PACRG: variants seen among roughly 807,000 people sequenced by gnomAD.
PACRG encodes parkin coregulated gene protein.
PACRG carries 29 observed loss-of-function variants against 29.7 expected under a neutral mutation model. That is an observed-to-expected ratio of 0.98 (90% CI 0.73 to 1.33). The LOEUF (loss-of-function observed/expected upper bound fraction) is 1.33. PACRG is among the 40% of genes most tolerant of loss of function. The pLI is 0.00. For synonymous variants in PACRG, 116 were observed against 118.7 expected (o/e 0.98, Z 0.15); for missense variants, 279 against 316.2 (o/e 0.88, Z 0.89).
chr6:162,785,102 A>AT (rs1344859515), intron 1 of PACRG, among the ~76,000 whole-genome samples: 1 of 150,770 alleles, frequency 6.6e-6, no homozygotes, highest in African/African-American at 2.4e-5. Flanking sequence ...TTCCCAGCTA[A>AT]TTTTTTTTCA....
chr6:163,176,535 G>T (rs1779366336), intron 4 of PACRG, among the ~76,000 whole-genome samples: 1 of 152,110 alleles, frequency 6.6e-6, no homozygotes. Context: ...TGTGCTAAAA[G>T]CTGGAAAAGA....
rs763821627 is a variant in PACRG at position 163,025,704 on chromosome 6, A to G, written c.292-36446A>G. On this transcript the variant is annotated intron_variant, in intron 2 of 4. Coordinates refer to ENST00000366888, the MANE Select transcript of PACRG (RefSeq NM_001080379.2). ...GTTTGAAGCCTTGTCTTTGATTTGC[A>G]TGGAAAAGAACCAGAAGGTGCTGAG... 5.3e-5 allele frequency among the ~76,000 whole-genome samples: 8 copies of G among 152,378 alleles called. No individual in the cohort carries two copies. The South Asian group carries it at 6.2e-4, about 12-fold the overall frequency.
At chr6:163,044,359 G>C (rs1809093609) in intron 2 of PACRG, among the ~76,000 whole-genome samples, 1 of 152,000 alleles carries the variant, frequency 6.6e-6, no homozygotes, top group East Asian at 1.9e-4. Flanking sequence ...TGTAGAGAAG[G>C]GTTCTCCCTG....
intron 1 of PACRG, among the ~76,000 whole-genome samples, chr6:162,731,879 T>C (rs907464678): frequency 5.9e-5 from 9 of 152,088 alleles, no homozygotes; most frequent in Non-Finnish European, 1.3e-4. Flanking sequence ...TCTCTCATAA[T>C]AGAAGTTCAA....
intron 4 of PACRG, among the ~76,000 whole-genome samples, chr6:163,178,828 G>A (rs1779511832): frequency 6.6e-6 from 1 of 152,162 alleles, no homozygotes; most frequent in African/African-American, 2.4e-5. Context: ...CTGGCATTCT[G>A]TAGGCACTGA....
chr6:163,230,852 C>T (rs954744202), intron 4 of PACRG, among the ~76,000 whole-genome samples: 1 of 85,852 alleles, frequency 1.2e-5, no homozygotes, highest in Non-Finnish European at 2.6e-5. Flanking sequence ...GGAGAGAGGC[C>T]TTCAATTAGG....
intron 4 of PACRG, among the ~76,000 whole-genome samples, chr6:163,251,814 G>T (rs1226404119): frequency 6.6e-6 from 1 of 152,212 alleles, no homozygotes; most frequent in Non-Finnish European, 1.5e-5. Context: ...TGCGATCATA[G>T]TTAGTTATTA....
At chr6:162,882,970 G>C (rs1041014143) in intron 2 of PACRG, among the ~76,000 whole-genome samples, 2 of 152,256 alleles carry the variant, frequency 1.3e-5, no homozygotes, top group Admixed American at 6.5e-5. Flanking sequence ...AGCCAGGCTT[G>C]AGCTGTGCTC....
At chr6:163,011,456 G>T (rs1805606856) in intron 2 of PACRG, among the ~76,000 whole-genome samples, 1 of 152,184 alleles carries the variant, frequency 6.6e-6, no homozygotes, top group African/African-American at 2.4e-5. Context: ...GATAAAAAAT[G>T]GTACACCTAT....
In PACRG at chr6:162,777,206, A is replaced by G. The variant is rs1044042941; in HGVS notation, c.157-36941A>G. Among the ~76,000 whole-genome samples the G allele has an allele frequency of 6.6e-6, 1 of 152,232 alleles. No homozygotes were observed. Among genetic ancestry groups the G allele is most frequent in the Non-Finnish European group, 1.5e-5 (1 of 68,040 alleles). ...GGGGCCTCTTCAAAAGTTCAGTATCAGACTCACTTGGCTCCCTCGTGCCGG... is the reference window on the plus strand; with the variant it reads ...GGGGCCTCTTCAAAAGTTCAGTATCGGACTCACTTGGCTCCCTCGTGCCGG... On this transcript the variant is annotated intron_variant, in intron 1 of 4. Coordinates refer to ENST00000366888, the MANE Select transcript of PACRG (RefSeq NM_001080379.2). The surrounding 1 kb of genome is among the most constrained non-coding windows in gnomAD (Gnocchi z 4.0).
At chr6:163,313,391 G>A (rs149243517) in intron 4 of PACRG, among the ~76,000 whole-genome samples, 37 of 152,078 alleles carry the variant, frequency 2.4e-4, no homozygotes, top group African/African-American at 8.7e-4. Context: ...AATTTATTGT[G>A]TGTATATCAC....
chr6:162,939,952 AAAC>A (rs1480785261), intron 2 of PACRG, among the ~76,000 whole-genome samples: 3 of 152,222 alleles, frequency 2.0e-5, no homozygotes, highest in African/African-American at 7.2e-5. Context: ...GAAGCAAATC[AAAC>A]CCAGAATGTC....
In PACRG at chr6:163,269,948, AAAGAAAG is replaced by A. The variant is rs1322730321; in HGVS notation, c.614-44876_614-44870del. Among the ~76,000 whole-genome samples, 79 of 50,798 alleles carry A rather than the reference AAAGAAAG, an allele frequency of 1.6e-3. 2 individuals are homozygous for A. The highest frequency in any genetic ancestry group is 7.8e-3 in the African/African-American group (62 of 7,924). The allele number at this position is 50,798 out of a possible 152,430, so 33.3% of individuals were successfully genotyped here. A position where few individuals can be genotyped will look rare whatever the true frequency, so the allele number is the denominator to read the frequency against. Reference sequence around the variant, plus strand: ...AAAGAAAACAAAGAAAGAAAGAAAGAAAGAAAGAAAGAAAGAAAGAAAGAAAGAAAGA... The same window carrying A: ...AAAGAAAACAAAGAAAGAAAGAAAGAAAAGAAAGAAAGAAAGAAAGAAAGA... On this transcript the variant is annotated intron_variant, in intron 4 of 4. Coordinates refer to ENST00000366888, the MANE Select transcript of PACRG (RefSeq NM_001080379.2).
intron 2 of PACRG, among the ~76,000 whole-genome samples, chr6:162,826,574 C>T (rs1788302782): frequency 6.6e-6 from 1 of 151,838 alleles, no homozygotes; most frequent in Admixed American, 6.6e-5. Flanking sequence ...AGCTATTCTC[C>T]TGCCTCAGCC....
intron 4 of PACRG, among the ~76,000 whole-genome samples, chr6:163,292,129 A>G (rs1023538324): frequency 2.8e-4 from 43 of 152,292 alleles, no homozygotes; most frequent in African/African-American, 9.4e-4. Flanking sequence ...TCCAACAGGA[A>G]GGTAAATTTG....
At chr6:162,824,153 TTTG>T (rs1788080045) in intron 2 of PACRG, among the ~76,000 whole-genome samples, 1 of 151,954 alleles carries the variant, frequency 6.6e-6, no homozygotes, top group South Asian at 2.1e-4. Context: ...CCTACAGAGA[TTTG>T]TTGTTGTTTC....
At chr6:162,904,114 TTCAGAACC>T (rs1239958693) in intron 2 of PACRG, among the ~76,000 whole-genome samples, 3 of 152,198 alleles carry the variant, frequency 2.0e-5, no homozygotes, top group Non-Finnish European at 4.4e-5. Flanking sequence ...TTCCTCCTCC[TTCAGAACC>T]TCAGCTTTTC....
intron 1 of PACRG, among the ~76,000 whole-genome samples, chr6:162,808,916 G>A (rs1008931000): frequency 1.3e-5 from 2 of 152,002 alleles, no homozygotes; most frequent in Non-Finnish European, 2.9e-5. Flanking sequence ...TTTCAGAGTC[G>A]TTTTGCTTGT....
chr6:162,947,511 T>C (rs1372187535), intron 2 of PACRG, among the ~76,000 whole-genome samples: 1 of 119,330 alleles, frequency 8.4e-6, no homozygotes, highest in Non-Finnish European at 1.7e-5. Context: ...ATATATAATC[T>C]ATATATATAA....
Sources: gnomAD v4.1 joint callset for allele counts (sites outside exome capture counted in the v4.1 genomes callset) on GRCh38, gnomAD v4.1.1 for gene constraint, Gnocchi (gnomAD v3.1) non-coding constraint, MANE v1.5 for transcripts, NCBI Gene and HGNC (gene_info 2026-07-23, HGNC 2026-07-21) for gene names.